CPQ: variants seen among roughly 807,000 people sequenced by gnomAD.
CPQ encodes the protein carboxypeptidase Q.
In CPQ, 37 loss-of-function variants were observed where a neutral mutation model predicts 45.7. That is an observed-to-expected ratio of 0.81 (90% confidence interval 0.62 to 1.07). CPQ has a LOEUF of 1.07. Among genes scored for constraint, CPQ ranks in the 50% least tolerant of loss-of-function variants. CPQ has a pLI of 0.00. For missense variants in CPQ, 537 were observed against 572.9 expected, an observed-to-expected ratio of 0.94 and a Z score of 0.64; for synonymous variants, 186 against 205.8, an observed-to-expected ratio of 0.90 and a Z score of 0.82.
intron 3 of CPQ, among the ~76,000 whole-genome samples, chr8:96,855,082 G>A (rs990097053): frequency 6.6e-6 from 1 of 152,170 alleles, no homozygotes; most frequent in Non-Finnish European, 1.5e-5. Context: ...CTTCCTTGGG[G>A]AGGGTCAGCC....
At chr8:97,096,919 G>A (rs1811219012) in intron 7 of CPQ, among the ~76,000 whole-genome samples, 1 of 152,178 alleles carries the variant, frequency 6.6e-6, no homozygotes. Context: ...GGTGCCTTCT[G>A]TCCGTACCTA....
chr8:97,127,639 A>G (rs183293263), intron 7 of CPQ, among the ~76,000 whole-genome samples: 230 of 152,316 alleles, frequency 1.5e-3, no homozygotes, highest in Middle Eastern at 3.4e-3. Context: ...CAGTAAGCCG[A>G]GATTTCGCCA....
At chr8:96,898,526 A>G (rs1470236154) in intron 4 of CPQ, among the ~76,000 whole-genome samples, 1 of 150,182 alleles carries the variant, frequency 6.7e-6, no homozygotes, top group African/African-American at 2.4e-5. Context: ...GTGATTGTGA[A>G]CTGTGGGTTG....
intron 1 of CPQ, among the ~76,000 whole-genome samples, chr8:96,718,304 T>G (rs1431030884): frequency 1.1e-4 from 16 of 152,210 alleles, no homozygotes; most frequent in Admixed American, 1.0e-3. Flanking sequence ...CAGTGAGTGT[T>G]ACAGCTCTTA....
chr8:97,100,007 A>C (rs1265211150), intron 7 of CPQ, among the ~76,000 whole-genome samples: 3 of 152,208 alleles, frequency 2.0e-5, no homozygotes, highest in African/African-American at 7.2e-5. Flanking sequence ...TGATTTAATG[A>C]TAAGCTGTAC....
chr8:97,134,506 C>T (rs1262439785), intron 7 of CPQ, among the ~76,000 whole-genome samples: 1 of 152,214 alleles, frequency 6.6e-6, no homozygotes, highest in Non-Finnish European at 1.5e-5. Flanking sequence ...TGCCATTCAT[C>T]TTCTGCCCAC....
intron 6 of CPQ, among the ~76,000 whole-genome samples, chr8:97,046,945 T>C (rs905997029): frequency 6.6e-6 from 1 of 152,136 alleles, no homozygotes; most frequent in African/African-American, 2.4e-5. Flanking sequence ...TTTTTCCACG[T>C]AAGGAAAAGT....
chr8:96,750,514 C>T (rs1810243908), intron 1 of CPQ, among the ~76,000 whole-genome samples: 1 of 150,740 alleles, frequency 6.6e-6, no homozygotes, highest in South Asian at 2.1e-4. Flanking sequence ...TGAGAATTTT[C>T]TAAATTTTAT....
rs117885451 is a variant in CPQ, at chr8:96,854,814, A to G, written c.641+19634A>G. Among the ~76,000 whole-genome samples the G allele has an allele frequency of 5.8e-4, 89 of 152,264 alleles. No homozygotes were observed. The East Asian group carries it at 0.015, about 26-fold the overall frequency. On this transcript the variant is annotated intron_variant, in intron 3 of 7. Transcript: ENST00000220763. Reference sequence around the variant, plus strand: ...CAGGAGAACTGATTGTGTAATTCCAATCCTAAAGCTAGCAGACTGGAGACC... The same window carrying G: ...CAGGAGAACTGATTGTGTAATTCCAGTCCTAAAGCTAGCAGACTGGAGACC...
At chr8:96,657,674 A>G (rs754487080) in intron 1 of CPQ, among the ~76,000 whole-genome samples, 2 of 152,246 alleles carry the variant, frequency 1.3e-5, no homozygotes, top group South Asian at 2.1e-4. Flanking sequence ...TGTAAAAAAC[A>G]AAACAAAACA....
intron 1 of CPQ, among the ~76,000 whole-genome samples, chr8:96,648,618 A>G (rs931543808): frequency 6.6e-6 from 1 of 152,192 alleles, no homozygotes; most frequent in African/African-American, 2.4e-5. Flanking sequence ...ATGAGAACAA[A>G]TCTAAATAGG....
At chr8:96,750,389 G>A (rs965522968) in intron 1 of CPQ, among the ~76,000 whole-genome samples, 1 of 151,900 alleles carries the variant, frequency 6.6e-6, no homozygotes, top group Non-Finnish European at 1.5e-5. Flanking sequence ...TATTCTCCAG[G>A]TTGACTGAAT....
chr8:97,022,921 C>A (rs1586499445), intron 5 of CPQ, among the ~76,000 whole-genome samples: 1 of 106,286 alleles, frequency 9.4e-6, no homozygotes, highest in African/African-American at 3.1e-5. Flanking sequence ...GAAAAAGATA[C>A]TTGCACACAC....
intron 5 of CPQ, among the ~76,000 whole-genome samples, chr8:96,971,119 G>A (rs1455404247): frequency 6.6e-6 from 1 of 152,202 alleles, no homozygotes; most frequent in Non-Finnish European, 1.5e-5. Flanking sequence ...GCAGAACTGA[G>A]TAAGGATACA....
At chr8:96,730,866 C>CATACATATACATATATATATATAT (rs56216136) in intron 1 of CPQ, among the ~76,000 whole-genome samples, 1 of 68,708 alleles carries the variant, frequency 1.5e-5, no homozygotes, top group Admixed American at 1.7e-4. Context: ...ACCATACATA[C>CATACATATACATATATATATATAT]ATATATATAT....
intron 7 of CPQ, among the ~76,000 whole-genome samples, chr8:97,106,298 G>T (rs749917697): frequency 6.6e-6 from 1 of 152,214 alleles, no homozygotes; most frequent in Non-Finnish European, 1.5e-5. Flanking sequence ...GGAAAGAAGT[G>T]TGTTTCCTGA....
At chr8:96,937,704 G>T (rs997366801) in intron 4 of CPQ, among the ~76,000 whole-genome samples, 1 of 152,118 alleles carries the variant, frequency 6.6e-6, no homozygotes, top group African/African-American at 2.4e-5. Context: ...GCCTATACCC[G>T]CAGTCAATTG....
chr8:96,846,691 C>T (rs1811695712), intron 3 of CPQ, among the ~76,000 whole-genome samples: 1 of 152,158 alleles, frequency 6.6e-6, no homozygotes, highest in Admixed American at 6.6e-5. Flanking sequence ...CCACCTCTAA[C>T]ATAACTGTAA....
intron 7 of CPQ, among the ~76,000 whole-genome samples, chr8:97,129,939 C>T (rs1156689065): frequency 1.3e-5 from 2 of 152,184 alleles, no homozygotes; most frequent in East Asian, 3.8e-4. Context: ...TTTCCAAAAT[C>T]CTTCTACGCA....
Sources: allele counts gnomAD v4.1 joint callset (sites outside exome capture counted in the v4.1 genomes callset), GRCh38; gene constraint gnomAD v4.1.1; transcripts MANE v1.5; gene names NCBI Gene and HGNC (gene_info 2026-07-23, HGNC 2026-07-21).